CFAP74: variants seen among roughly 807,000 people sequenced by gnomAD.
CFAP74 encodes the protein cilia- and flagella-associated protein 74.
In CFAP74, 124 loss-of-function variants were observed where a neutral mutation model predicts 188.9. That is an observed-to-expected ratio of 0.66 (90% CI 0.57 to 0.76). The LOEUF (loss-of-function observed/expected upper bound fraction) is 0.76. CFAP74 is among the 30% of genes least tolerant of loss of function. CFAP74 has a pLI of 0.00. For missense variants in CFAP74, 2,198 were observed against 2,165.2 expected (o/e 1.02, Z -0.30); for synonymous variants, 956 against 916.7 (o/e 1.04, Z -0.77).
chr1:1,950,335 C>CA (rs1260233710), intron 18 of CFAP74, among the ~76,000 whole-genome samples: 2 of 149,174 alleles, frequency 1.3e-5, no homozygotes, highest in African/African-American at 4.9e-5. Context: ...GTCTTTTGCC[C>CA]ATTTTTTTTT....
chr1:1,957,261 G>A (rs1570910525), intron 16 of CFAP74, among the ~76,000 whole-genome samples: 1 of 152,350 alleles, frequency 6.6e-6, no homozygotes, highest in East Asian at 1.9e-4. Context: ...AAGGATGCAG[G>A]CCCGGGCCAT....
At chr1:1,939,074 AGAT>A in intron 24 of CFAP74, 86 bp from the exon 25 acceptor site, 2 of 1,368,882 alleles carry the variant, frequency 1.5e-6, no homozygotes, top group Non-Finnish European at 2.0e-6. Flanking sequence ...TGAGAGTAAG[AGAT>A]GAGTGTGATC....
rs1651513936 is a variant in CFAP74, at chr1:1,923,061, G to A, written c.4607C>T (p.Thr1536Ile). The A allele has an allele frequency of 6.2e-7, 1 of 1,609,792 alleles. No individual in the cohort carries two copies. Among genetic ancestry groups the A allele is most frequent in the East Asian group, 2.2e-5 (1 of 44,856 alleles). ...LVTLDYIQFD[T>I]DTPAPPATRE... ...GGTGGCAGGTGGGGCTGGCGTGTCT[G>A]TGTCAAACTGGATGTAGTCCAGGGT... Residue 1536 changes from threonine to isoleucine, a missense_variant, in exon 37 of 39, where the codon ACA (threonine) becomes ATA (isoleucine). Physicochemically the swap from Thr to Ile is moderately conservative, Grantham distance 89. Transcript: ENST00000682832. The surrounding 1 kb of genome is among the most constrained non-coding windows in gnomAD (Gnocchi z 6.3).
intron 1 of CFAP74, among the ~76,000 whole-genome samples, chr1:1,995,715 C>T (rs1427068037): frequency 6.6e-6 from 1 of 151,750 alleles, no homozygotes; most frequent in Non-Finnish European, 1.5e-5. Context: ...CGAGACCATC[C>T]TGGCTAACAC....
chr1:1,955,543 A>G (rs1654547110), intron 18 of CFAP74, 148 bp downstream of exon 18: 1 of 1,610,930 alleles, frequency 6.2e-7, no homozygotes, highest in Non-Finnish European at 8.5e-7. Context: ...ACATAAGAAT[A>G]TTTTCTTGCT....
chr1:1,986,935 A>G lies in CFAP74; in HGVS notation c.395+2T>C. Reference sequence around the variant, plus strand: ...CCCTGCCCCCTGGCGAGGGCCACCTACATGTTGCCCGCCTCTTCCTCTGTG... The same window carrying G: ...CCCTGCCCCCTGGCGAGGGCCACCTGCATGTTGCCCGCCTCTTCCTCTGTG... On this transcript the variant is annotated splice_donor_variant, in intron 5 of 38. Coordinates refer to ENST00000682832, the MANE Select transcript of CFAP74 (RefSeq NM_001304360.2). LOFTEE classifies it high-confidence loss of function. 1 of 1,599,932 alleles carries G rather than the reference A, an allele frequency of 6.3e-7. No individual in the cohort carries two copies. Among genetic ancestry groups the G allele is most frequent in the Non-Finnish European group, 8.5e-7 (1 of 1,178,696 alleles).
chr1:1,987,651 G>C (rs982870187), intron 4 of CFAP74, among the ~76,000 whole-genome samples: 1 of 151,844 alleles, frequency 6.6e-6, no homozygotes, highest in African/African-American at 2.4e-5. Context: ...AAGCGATTCT[G>C]CTGTCTCAGC....
rs187036004 is a variant in CFAP74, at chr1:1,990,090, T to C, written c.67+800A>G. Among the ~76,000 whole-genome samples, 7 of 152,350 alleles carry C rather than the reference T, an allele frequency of 4.6e-5. No individual in the cohort carries two copies. In the East Asian group the frequency reaches 7.7e-4, roughly 17 times the overall value. Reference sequence around the variant, plus strand: ...ACGTTACTGCCAATAGGTTCGTTATTGCTATTTTAAGTGGCTACGTATTAA... The same window carrying C: ...ACGTTACTGCCAATAGGTTCGTTATCGCTATTTTAAGTGGCTACGTATTAA... On this transcript the variant is annotated intron_variant, in intron 2 of 38. Coordinates refer to ENST00000682832, the MANE Select transcript of CFAP74 (RefSeq NM_001304360.2).
At chr1:1,928,373 G>A (rs1652086073) in intron 27 of CFAP74, among the ~76,000 whole-genome samples, 1 of 152,276 alleles carries the variant, frequency 6.6e-6, no homozygotes, top group South Asian at 2.1e-4. Flanking sequence ...AGGCTGGGAA[G>A]GGTGCATCTG....
At chr1:1,959,397 T>C (rs528789897) in intron 15 of CFAP74, among the ~76,000 whole-genome samples, 188 bp from the exon 16 acceptor site, 3 of 115,158 alleles carry the variant, frequency 2.6e-5, no homozygotes, top group African/African-American at 1.0e-4. Flanking sequence ...GCCTCTCCAC[T>C]AGCTGGGATT....
intron 6 of CFAP74, among the ~76,000 whole-genome samples, chr1:1,977,417 C>T (rs899781214): frequency 3.3e-5 from 5 of 152,198 alleles, no homozygotes; most frequent in African/African-American, 9.6e-5. Context: ...CGAAGGCAGG[C>T]TCTGCTGCCT....
Position 1,926,527 on chromosome 1 carries a change from G to A in CFAP74, c.3773-15C>T, listed in dbSNP as rs1022730525. On this transcript the variant is annotated splice_polypyrimidine_tract_variant and intron_variant, in intron 30 of 38. Transcript: ENST00000682832. ...ACTGCGGTGCCCTGAAATGGGGCAG[G>A]GAGCGTCAGGCCCCAGCCCCAGGCC... 6.5e-7 allele frequency: 1 copy of A among 1,550,034 alleles called. No individual in the cohort carries two copies. Among genetic ancestry groups the A allele is most frequent in the African/African-American group, 1.4e-5 (1 of 73,152 alleles).
chr1:1,930,364 AGCCGTGCAGG>A, intron 25 of CFAP74, 28 bp from the exon 26 acceptor site: 1 of 1,498,496 alleles, frequency 6.7e-7, no homozygotes, highest in Non-Finnish European at 8.9e-7. Flanking sequence ...GGAGGCCCTC[AGCCGTGCAGG>A]GCGTCCGTGT....
chr1:1,967,697 G>T (rs1352990468), intron 11 of CFAP74, among the ~76,000 whole-genome samples: 3 of 152,202 alleles, frequency 2.0e-5, no homozygotes, highest in Non-Finnish European at 2.9e-5. Context: ...GGCATCGGTT[G>T]CAGCAGTGAC....
At position 1,923,620 on chromosome 1, in the gene CFAP74, G is replaced by C. The variant is rs1369565711; in HGVS notation, c.4390-121C>G. ...GGCCTGGGGGCCCCGTGGGGCCCTGGACTCTGGTCTTTCCACTGACGGCCC... is the reference window on the plus strand; with the variant it reads ...GGCCTGGGGGCCCCGTGGGGCCCTGCACTCTGGTCTTTCCACTGACGGCCC... On this transcript the variant is annotated intron_variant, in intron 35 of 38. Transcript: ENST00000682832. This position sits in a 1 kb window ranked among gnomAD's most constrained non-coding sequence, Gnocchi z 6.3. 9.2e-6 allele frequency: 14 copies of C among 1,516,398 alleles called. No individual in the cohort carries two copies. Among genetic ancestry groups the C allele is most frequent in the Non-Finnish European group, 1.3e-5 (14 of 1,118,812 alleles). 93.9% of individuals were successfully genotyped at this position (1,516,398 alleles called of 1,614,324 possible).
Position 1,936,554 on chromosome 1 carries a change from C to CA in CFAP74, c.3011+2300dup, listed in dbSNP as rs1419797115. The stretch of plus-strand genomic sequence containing the variant: ...CGAGAGTCCATCTCAAGAAAAATAA[C>CA]AAAAAAAGAAAAAAAAGAAAAAAGA... On this transcript the variant is annotated intron_variant, in intron 25 of 38. Transcript: ENST00000682832. Among the ~76,000 whole-genome samples, 18 of 150,150 alleles carry CA rather than the reference C, an allele frequency of 1.2e-4. No individual in the cohort carries two copies. The East Asian group carries it at 2.4e-3, about 20-fold the overall frequency.
chr1:1,977,470 C>T (rs747249611), intron 6 of CFAP74, among the ~76,000 whole-genome samples: 2 of 152,214 alleles, frequency 1.3e-5, no homozygotes, highest in Non-Finnish European at 2.9e-5. Flanking sequence ...CAGAGCTCCT[C>T]ATGACCCCCT....
chr1:2,003,335 C>T (rs1163611197), intron 1 of CFAP74, among the ~76,000 whole-genome samples: 6 of 152,156 alleles, frequency 3.9e-5, no homozygotes, highest in Non-Finnish European at 8.8e-5. Flanking sequence ...GTTATACATA[C>T]TAAAACTAAA....
At chr1:1,939,322 T>G (rs77307711) in intron 24 of CFAP74, among the ~76,000 whole-genome samples, 21,037 of 152,138 alleles carry the variant, frequency 0.14, 2,627 homozygotes, top group African/African-American at 0.32. Flanking sequence ...CCAGCTACCT[T>G]GTGTGGCCCC....
Sources: allele counts gnomAD v4.1 joint callset (sites outside exome capture counted in the v4.1 genomes callset), GRCh38; gene constraint gnomAD v4.1.1; non-coding constraint Gnocchi (gnomAD v3.1); transcripts MANE v1.5; gene names NCBI Gene and HGNC (gene_info 2026-07-23, HGNC 2026-07-21).